CHODL: variants seen among roughly 807,000 people sequenced by gnomAD.
CHODL encodes chondrolectin.
In CHODL, 29 loss-of-function variants were observed where a neutral mutation model predicts 34.5. The ratio of observed to expected loss-of-function variants is 0.84; its 90% CI spans 0.63 to 1.15. The LOEUF (loss-of-function observed/expected upper bound fraction) is 1.15, where lower values mean the gene tolerates loss of function less well. Among genes scored for constraint, CHODL ranks in the 50% most tolerant of loss-of-function variants. The pLI, the probability that CHODL is intolerant of heterozygous loss-of-function variation, is 0.00. For synonymous variants in CHODL, 125 were observed against 116.1 expected (o/e 1.08, Z -0.49); for missense variants, 332 against 332.5 (o/e 1.00, Z 0.01).
chr21:18,059,532 G>T (rs1411316142), intron 2 of CHODL, among the ~76,000 whole-genome samples: 3 of 149,796 alleles, frequency 2.0e-5, no homozygotes, highest in Non-Finnish European at 4.4e-5. Flanking sequence ...AAGTTCTGGG[G>T]TTACATATGC....
At chr21:18,168,211 C>G (rs1379447589) in intron 2 of CHODL, among the ~76,000 whole-genome samples, 1 of 152,174 alleles carries the variant, frequency 6.6e-6, no homozygotes, top group African/African-American at 2.4e-5. Flanking sequence ...CTTCCTTGCT[C>G]CTCAGCTTGC....
intron 1 of CHODL, among the ~76,000 whole-genome samples, chr21:18,015,487 AG>A (rs1185358280): frequency 2.6e-5 from 4 of 152,196 alleles, no homozygotes; most frequent in Non-Finnish European, 2.9e-5. Flanking sequence ...TAGCAGTGCA[AG>A]AATGGACTAA....
intron 1 of CHODL, among the ~76,000 whole-genome samples, chr21:17,924,011 A>T (rs756739477): frequency 6.6e-6 from 1 of 152,146 alleles, no homozygotes; most frequent in Non-Finnish European, 1.5e-5. Context: ...GAAGAGAAGG[A>T]TGTTGAGGAA....
chr21:18,007,912 A>T (rs895943739), intron 1 of CHODL, among the ~76,000 whole-genome samples: 1 of 152,176 alleles, frequency 6.6e-6, no homozygotes, highest in African/African-American at 2.4e-5. Flanking sequence ...GAACAGTTGA[A>T]AACTGAGTGA....
chr21:17,932,977 C>T (rs948543140), intron 1 of CHODL, among the ~76,000 whole-genome samples: 12 of 152,034 alleles, frequency 7.9e-5, no homozygotes, highest in Non-Finnish European at 1.5e-4. Context: ...CAGATAAACA[C>T]GTGAGGGAAG....
intron 2 of CHODL, among the ~76,000 whole-genome samples, chr21:18,087,991 A>G (rs2146524799): frequency 6.6e-6 from 1 of 152,236 alleles, no homozygotes; most frequent in East Asian, 1.9e-4. Context: ...GAGAGAGAGG[A>G]CAAGCGAAGG....
intron 2 of CHODL, 27 bp downstream of exon 2, chr21:18,256,845 A>G: frequency 6.3e-7 from 1 of 1,599,352 alleles, no homozygotes; most frequent in Non-Finnish European, 8.5e-7. Flanking sequence ...AGCAGTTGGC[A>G]GGTGCTCTGG....
intron 2 of CHODL, among the ~76,000 whole-genome samples, chr21:18,159,804 G>A (rs1176423765): frequency 6.6e-6 from 1 of 151,942 alleles, no homozygotes; most frequent in Non-Finnish European, 1.5e-5. Context: ...CAGATAGATG[G>A]CAGCATGAGA....
At chr21:17,953,408 A>G (rs2063473809) in intron 1 of CHODL, among the ~76,000 whole-genome samples, 1 of 152,154 alleles carries the variant, frequency 6.6e-6, no homozygotes. Flanking sequence ...TAGAGACTAC[A>G]GTGAGCCACG....
chr21:18,002,739 A>G (rs2063918279), intron 1 of CHODL, among the ~76,000 whole-genome samples: 1 of 152,176 alleles, frequency 6.6e-6, no homozygotes, highest in South Asian at 2.1e-4. Context: ...TACAGGGATC[A>G]TGGAAATATG....
intron 1 of CHODL, among the ~76,000 whole-genome samples, chr21:17,951,692 C>T (rs182467148): frequency 1.0e-3 from 153 of 152,164 alleles, no homozygotes; most frequent in African/African-American, 3.4e-3. Flanking sequence ...GTAAAATATA[C>T]TTAAAATTAA....
chr21:18,031,818 C>T (rs1328756177), intron 2 of CHODL, among the ~76,000 whole-genome samples: 2 of 152,070 alleles, frequency 1.3e-5, no homozygotes, highest in Non-Finnish European at 2.9e-5. Context: ...CCAAAGGGAT[C>T]GATCCAATGA....
Position 18,245,308 on chromosome 21 carries a change from T to C in CHODL, c.79+6T>C. The C allele has an allele frequency of 6.6e-7, 1 of 1,516,882 alleles. No homozygotes were observed. The allele number at this position is 1,516,882 out of a possible 1,614,324, so 94.0% of individuals were successfully genotyped here. A position where few individuals can be genotyped will look rare whatever the true frequency, so the allele number is the denominator to read the frequency against. ...CTGCCGCCGCGTGGTCAGCGGTGAG[T>C]CAGGGGCCGTCTCCCCGAAGAACGA... On this transcript the variant is annotated splice_donor_region_variant and intron_variant, in intron 1 of 5. Transcript: ENST00000299295.
At chr21:17,934,408 G>A (rs992070699) in intron 1 of CHODL, among the ~76,000 whole-genome samples, 27 of 149,958 alleles carry the variant, frequency 1.8e-4, no homozygotes, top group African/African-American at 6.3e-4. Context: ...TTAATACTCA[G>A]TTCACATTTT....
At chr21:17,996,572 A>T (rs1403962679) in intron 1 of CHODL, among the ~76,000 whole-genome samples, 2 of 152,234 alleles carry the variant, frequency 1.3e-5, no homozygotes, top group Non-Finnish European at 1.5e-5. Flanking sequence ...GATGCCAAAA[A>T]GGGGAATCAA....
At chr21:17,964,035 ATTAT>A (rs1324071320) in intron 1 of CHODL, among the ~76,000 whole-genome samples, 3 of 152,316 alleles carry the variant, frequency 2.0e-5, no homozygotes, top group African/African-American at 7.2e-5. Flanking sequence ...ATCATACCCT[ATTAT>A]TTGTCTTTGA....
intron 1 of CHODL, among the ~76,000 whole-genome samples, chr21:18,024,965 A>G (rs1335453610): frequency 6.6e-6 from 1 of 152,192 alleles, no homozygotes; most frequent in Non-Finnish European, 1.5e-5. Context: ...AACTGTGACT[A>G]TATCTTGGGA....
At chr21:18,101,090 G>A (rs1447938754) in intron 2 of CHODL, among the ~76,000 whole-genome samples, 1 of 152,142 alleles carries the variant, frequency 6.6e-6, no homozygotes, top group Non-Finnish European at 1.5e-5. Flanking sequence ...GACCCAGTGG[G>A]AGATGATTGA....
At chr21:18,241,004 T>G (rs1169639349), upstream of CHODL, among the ~76,000 whole-genome samples, 2 of 152,204 alleles carry the variant, frequency 1.3e-5, no homozygotes, top group African/African-American at 4.8e-5. Context: ...CTGCAAAAAC[T>G]GACTTCTGGG....
Sources: gnomAD v4.1 joint callset for allele counts (sites outside exome capture counted in the v4.1 genomes callset) on GRCh38, gnomAD v4.1.1 for gene constraint, MANE v1.5 for transcripts, NCBI Gene and HGNC (gene_info 2026-07-23, HGNC 2026-07-21) for gene names.